GRM8: variants seen among roughly 807,000 people sequenced by gnomAD.
The protein encoded by GRM8 is glutamate metabotropic receptor 8.
In GRM8, 47 loss-of-function variants were observed where a neutral mutation model predicts 87.2. The ratio of observed to expected loss-of-function variants is 0.54; its 90% CI spans 0.43 to 0.69. The LOEUF (loss-of-function observed/expected upper bound fraction) is 0.69, where lower values mean the gene tolerates loss of function less well. GRM8 is among the 30% of genes least tolerant of loss of function. The probability of loss-of-function intolerance (pLI) is 0.00; values close to 1 mark genes in which losing one functional copy is unlikely to be tolerated. For synonymous variants in GRM8, 396 were observed against 404.5 expected, an observed-to-expected ratio of 0.98 and a Z score of 0.25; for missense variants, 1,019 against 1,139.2, an observed-to-expected ratio of 0.89 and a Z score of 1.52.
intron 3 of GRM8, among the ~76,000 whole-genome samples, chr7:126,941,440 T>C (rs1179036106): frequency 9.5e-6 from 1 of 104,886 alleles, no homozygotes; most frequent in East Asian, 3.2e-4. Context: ...ACCCCATCTC[T>C]ACTAAAAAAA....
At chr7:126,816,700 G>A (rs889734907) in intron 6 of GRM8, among the ~76,000 whole-genome samples, 1 of 151,120 alleles carries the variant, frequency 6.6e-6, no homozygotes, top group Admixed American at 6.6e-5. Context: ...GTGTCTTGCT[G>A]TTTGCTACCT....
At chr7:126,768,256 C>A (rs754688858) in intron 7 of GRM8, among the ~76,000 whole-genome samples, 3 of 148,490 alleles carry the variant, frequency 2.0e-5, no homozygotes, top group African/African-American at 7.4e-5. Flanking sequence ...CCAGGAAACT[C>A]GAAGTGCCAT....
At chr7:127,065,202 G>T (rs552090659) in intron 3 of GRM8, among the ~76,000 whole-genome samples, 1 of 152,272 alleles carries the variant, frequency 6.6e-6, no homozygotes, top group South Asian at 2.1e-4. Context: ...AAAAGAACCA[G>T]ATCATGTTTT....
At chr7:126,707,572 G>A (rs1458515133) in intron 7 of GRM8, among the ~76,000 whole-genome samples, 1 of 152,008 alleles carries the variant, frequency 6.6e-6, no homozygotes, top group Non-Finnish European at 1.5e-5. Flanking sequence ...ACGCATTAAA[G>A]GTACAGCCCC....
At chr7:127,143,665 A>G (rs1418730476) in intron 2 of GRM8, among the ~76,000 whole-genome samples, 1 of 152,192 alleles carries the variant, frequency 6.6e-6, no homozygotes, top group African/African-American at 2.4e-5. Context: ...AAATTTTAAC[A>G]AAGGCCATGT....
chr7:126,520,494 G>A (rs13246399), intron 9 of GRM8, among the ~76,000 whole-genome samples: 56,614 of 151,866 alleles, frequency 0.37, 10,901 homozygotes, highest in Admixed American at 0.42. Flanking sequence ...CACGAATGCA[G>A]CTTTTCTAGC....
At chr7:127,173,841 C>T (rs1224582230) in intron 2 of GRM8, among the ~76,000 whole-genome samples, 3 of 152,138 alleles carry the variant, frequency 2.0e-5, no homozygotes, top group Non-Finnish European at 4.4e-5. Flanking sequence ...TTAGGAGAGG[C>T]ATTCTTCAGG....
chr7:126,473,834 T>C (rs1313180779), intron 9 of GRM8, among the ~76,000 whole-genome samples: 7 of 152,044 alleles, frequency 4.6e-5, no homozygotes, highest in African/African-American at 1.7e-4. Flanking sequence ...TCTCATGAGA[T>C]CTGATGGTTT....
At chr7:127,020,918 G>C (rs1816199473) in intron 3 of GRM8, among the ~76,000 whole-genome samples, 2 of 151,990 alleles carry the variant, frequency 1.3e-5, no homozygotes, top group African/African-American at 4.8e-5. Context: ...GGGAGAAAGG[G>C]CAATTCCACA....
At chr7:126,592,011 G>T (rs1015789775) in intron 8 of GRM8, among the ~76,000 whole-genome samples, 10 of 151,206 alleles carry the variant, frequency 6.6e-5, no homozygotes, top group Admixed American at 5.9e-4. Flanking sequence ...GAAAAAAATG[G>T]GTAAATTCCT....
chr7:127,182,543 A>G (rs969684419), intron 2 of GRM8, among the ~76,000 whole-genome samples: 2 of 151,992 alleles, frequency 1.3e-5, no homozygotes, highest in Non-Finnish European at 2.9e-5. Flanking sequence ...ATACTTGCAC[A>G]TGCATGTTTA....
chr7:126,798,069 TAAAG>T (rs1317541616), intron 6 of GRM8, among the ~76,000 whole-genome samples: 3 of 152,060 alleles, frequency 2.0e-5, no homozygotes, highest in African/African-American at 7.2e-5. Context: ...AATTCTGCAC[TAAAG>T]AAAGTCTCAG....
intron 7 of GRM8, among the ~76,000 whole-genome samples, chr7:126,731,858 C>A (rs1313555603): frequency 6.6e-6 from 1 of 151,786 alleles, no homozygotes; most frequent in Non-Finnish European, 1.5e-5. Context: ...TCTAAGTAAT[C>A]AATTAAGTAT....
chr7:126,656,843 C>T (rs1425548652), intron 7 of GRM8, among the ~76,000 whole-genome samples: 1 of 152,136 alleles, frequency 6.6e-6, no homozygotes, highest in African/African-American at 2.4e-5. Context: ...TTATGCCTCT[C>T]ATCAGTAAGC....
chr7:126,634,499 A>G (rs1801654024), intron 7 of GRM8, among the ~76,000 whole-genome samples: 1 of 152,024 alleles, frequency 6.6e-6, no homozygotes, highest in East Asian at 1.9e-4. Context: ...GCTCTAGACT[A>G]TTCAATCTCA....
chr7:126,719,263 G>T (rs1486290728), intron 7 of GRM8, among the ~76,000 whole-genome samples: 1 of 152,198 alleles, frequency 6.6e-6, no homozygotes, highest in African/African-American at 2.4e-5. Context: ...ATCACAGTAT[G>T]CATTAATCGT....
At chr7:127,092,916 A>T (rs986421475) in intron 3 of GRM8, among the ~76,000 whole-genome samples, 1 of 152,162 alleles carries the variant, frequency 6.6e-6, no homozygotes, top group Non-Finnish European at 1.5e-5. Flanking sequence ...GCTCCCAAAC[A>T]ACTGCACCTG....
intron 8 of GRM8, among the ~76,000 whole-genome samples, chr7:126,557,778 C>T (rs762990014): frequency 1.4e-4 from 21 of 151,844 alleles, no homozygotes; most frequent in Middle Eastern, 3.2e-3. Flanking sequence ...TGACAAAGTA[C>T]GTATATATGT....
intron 7 of GRM8, among the ~76,000 whole-genome samples, chr7:126,717,557 G>GC (rs1396958798): frequency 3.3e-5 from 5 of 152,102 alleles, no homozygotes; most frequent in African/African-American, 1.2e-4. Flanking sequence ...AGTAATACAG[G>GC]CCAATAACCA....
Sources: gnomAD v4.1 joint callset for allele counts (sites outside exome capture counted in the v4.1 genomes callset) on GRCh38, gnomAD v4.1.1 for gene constraint, MANE v1.5 for transcripts, NCBI Gene and HGNC (gene_info 2026-07-23, HGNC 2026-07-21) for gene names.